The following VPS36 variants were observed in gnomAD, a reference collection of about 807,000 sequenced individuals.
VPS36 encodes vacuolar protein-sorting-associated protein 36.
VPS36 carries 31 observed loss-of-function variants against 63.5 expected under a neutral mutation model. The observed-to-expected ratio is 0.49, with a 90% CI of 0.37 to 0.66. The LOEUF is 0.66. VPS36 is among the 30% of genes least tolerant of loss of function. The pLI is 0.00. For synonymous variants in VPS36, 138 were observed against 157.2 expected, an observed-to-expected ratio of 0.88 and a Z score of 0.91; for missense variants, 338 against 463.7, an observed-to-expected ratio of 0.73 and a Z score of 2.49.
chr13:52,436,218 AACACACACACACAC>A (rs150816705), intron 4 of VPS36, 58 bp downstream of exon 4: 9 of 643,958 alleles, frequency 1.4e-5, no homozygotes, highest in Non-Finnish European at 1.8e-5. Context: ...AACAAGCCAC[AACACACACACACAC>A]ACACACACAC....
rs961739472 is a variant in VPS36 at position 52,450,225 on chromosome 13, G to T, written c.96+274C>A. On this transcript the variant is annotated intron_variant, in intron 1 of 13. Transcript: ENST00000378060. ...AGCTGTGCGCTCCCGGAAGCATTCC[G>T]GGCGGAGGGAAGCGGCCGCGATCCG... 8.3e-6 allele frequency: 9 copies of T among 1,079,448 alleles called. No homozygotes were observed. In the African/African-American group the frequency reaches 1.5e-4, roughly 18 times the overall value. 66.9% of individuals were successfully genotyped at this position (1,079,448 alleles called of 1,614,324 possible).
intron 1 of VPS36, among the ~76,000 whole-genome samples, chr13:52,446,410 T>TA (rs1370255309): frequency 1.3e-5 from 2 of 152,312 alleles, no homozygotes; most frequent in Non-Finnish European, 1.5e-5. Context: ...CTACCTCAAT[T>TA]AACAATGTGC....
At position 52,415,687 on chromosome 13, in the gene VPS36, AG is replaced by A; in HGVS notation, c.*142del. The stretch of plus-strand genomic sequence containing the variant: ...TAAATAAATTTCCTGGACCATATTT[AG>A]TGAGAAATTAAAAGAGATTTACATT... On this transcript the variant is annotated 3_prime_UTR_variant, in exon 14 of 14. Coordinates refer to ENST00000378060, the MANE Select transcript of VPS36 (RefSeq NM_016075.4). The A allele has an allele frequency of 1.2e-6, 1 of 809,086 alleles. No homozygotes were observed. The highest frequency in any genetic ancestry group is 2.0e-6 in the Non-Finnish European group (1 of 496,158). 50.1% of individuals were successfully genotyped at this position (809,086 alleles called of 1,614,324 possible). A position where few individuals can be genotyped will look rare whatever the true frequency, so the allele number is the denominator to read the frequency against.
At chr13:52,448,383 A>G (rs4286007) in intron 1 of VPS36, among the ~76,000 whole-genome samples, 69,238 of 152,076 alleles carry the variant, frequency 0.46, 17,548 homozygotes, top group East Asian at 0.64. Context: ...ACCTTCCCCC[A>G]GGAGTCAGCC....
intron 1 of VPS36, among the ~76,000 whole-genome samples, chr13:52,443,339 T>C (rs4884354): frequency 0.58 from 87,539 of 151,956 alleles, 25,676 homozygotes; most frequent in Middle Eastern, 0.69. Context: ...TAACCCTCAA[T>C]GCGATGGTAT....
rs1399263149 is a variant in VPS36, at chr13:52,414,234, C to T, written c.*1596G>A. 1 of 151,978 alleles carries T rather than the reference C, an allele frequency of 6.6e-6. No homozygotes were observed. Among genetic ancestry groups the T allele is most frequent in the East Asian group, 1.9e-4 (1 of 5,180 alleles). 9.4% of individuals were successfully genotyped at this position (151,978 alleles called of 1,614,324 possible). On this transcript the variant is annotated 3_prime_UTR_variant, in exon 14 of 14. Coordinates refer to ENST00000378060, the MANE Select transcript of VPS36 (RefSeq NM_016075.4). The stretch of plus-strand genomic sequence containing the variant: ...CCAGAGCAGTGTGAGACAGTAAGTA[C>T]CAACCAGAAAGAGGTGAGACATACA...
chr13:52,441,761 G>T (rs1006872043), intron 2 of VPS36, among the ~76,000 whole-genome samples: 5 of 151,620 alleles, frequency 3.3e-5, no homozygotes, highest in Admixed American at 2.6e-4. Flanking sequence ...CAAAAAAAAG[G>T]GGGGGATGCG....
chr13:52,425,971 C>T lies in VPS36; in HGVS notation c.735G>A (p.Leu245=), dbSNP rs754042481. The T allele has an allele frequency of 6.2e-7, 1 of 1,613,954 alleles. No homozygotes were observed. The highest frequency in any genetic ancestry group is 1.7e-5 in the Admixed American group (1 of 59,992). ...GCAATATTCCAGCCAGTTGTTTGGC[C>T]AGCTGCATGTGGTACTGTGTGCCTG... ...YGSGTQYHMQ[L]AKQLAGILQV... is the part of the protein sequence containing the mutation. The change falls in exon 9 of 14, where the codon CTG becomes CTA. Residue 245 remains leucine (L), a synonymous_variant. Coordinates refer to ENST00000378060, the MANE Select transcript of VPS36 (RefSeq NM_016075.4).
Position 52,415,311 on chromosome 13 carries a change from T to C in VPS36, c.*519A>G, listed in dbSNP as rs932948941. 1.3e-5 allele frequency: 2 copies of C among 152,228 alleles called. No homozygotes were observed. The highest frequency in any genetic ancestry group is 4.8e-5 in the African/African-American group (2 of 41,446). 9.4% of individuals were successfully genotyped at this position (152,228 alleles called of 1,614,324 possible). A position where few individuals can be genotyped will look rare whatever the true frequency, so the allele number is the denominator to read the frequency against. Reference sequence around the variant, plus strand: ...TATAAATATATGTGTCAAATAAAATTATTTCATTTTTAAAGGTATTTTATT... The same window carrying C: ...TATAAATATATGTGTCAAATAAAATCATTTCATTTTTAAAGGTATTTTATT... On this transcript the variant is annotated 3_prime_UTR_variant, in exon 14 of 14. Coordinates refer to ENST00000378060, the MANE Select transcript of VPS36 (RefSeq NM_016075.4).
At chr13:52,423,033 C>A (rs1432736393) in intron 10 of VPS36, among the ~76,000 whole-genome samples, 1 of 152,170 alleles carries the variant, frequency 6.6e-6, no homozygotes, top group Admixed American at 6.5e-5. Flanking sequence ...CTCCCTTTGA[C>A]TGCCACCATC....
chr13:52,414,630 C>A lies in VPS36; in HGVS notation c.*1200G>T, dbSNP rs2137765176. On this transcript the variant is annotated 3_prime_UTR_variant, in exon 14 of 14. Transcript: ENST00000378060. ...GGTCCCAGAGTGTGAACCTGGGCATCCCTCTTCCTGGTCCCAAGGGTGCTC... is the reference window on the plus strand; with the variant it reads ...GGTCCCAGAGTGTGAACCTGGGCATACCTCTTCCTGGTCCCAAGGGTGCTC... 6.6e-6 allele frequency: 1 copy of A among 152,312 alleles called. No homozygotes were observed. The highest frequency in any genetic ancestry group is 2.4e-5 in the African/African-American group (1 of 41,574). The allele number at this position is 152,312 out of a possible 1,614,324, so 9.4% of individuals were successfully genotyped here.
At chr13:52,427,623 T>C (rs1016407448) in intron 6 of VPS36, among the ~76,000 whole-genome samples, 1 of 151,356 alleles carries the variant, frequency 6.6e-6, no homozygotes, top group African/African-American at 2.4e-5. Flanking sequence ...AAAAAAAAAA[T>C]TTAAATTTTC....
intron 1 of VPS36, chr13:52,449,999 A>C (rs879380726): frequency 4.1e-6 from 4 of 985,804 alleles, no homozygotes; most frequent in African/African-American, 1.7e-5. Context: ...CTCCGACTGC[A>C]TAAGGTCCAA....
chr13:52,425,989 TGTGCCTGA>T lies in VPS36; in HGVS notation c.709_716del (p.Ser237ThrfsTer68). ...GTTTGGCCAGCTGCATGTGGTACTG[TGTGCCTGA>T]GCCGTAGGTTTCTCTGGTAACTGGG... On this transcript the variant is annotated frameshift_variant, in exon 9 of 14. Coordinates refer to ENST00000378060, the MANE Select transcript of VPS36 (RefSeq NM_016075.4). LOFTEE classifies it high-confidence loss of function. The T allele has an allele frequency of 6.2e-7, 1 of 1,614,200 alleles. No homozygotes were observed. Among genetic ancestry groups the T allele is most frequent in the Non-Finnish European group, 8.5e-7 (1 of 1,180,012 alleles).
At chr13:52,417,224 C>T in intron 11 of VPS36, 83 bp from the exon 12 acceptor site, 1 of 1,175,210 alleles carries the variant, frequency 8.5e-7, no homozygotes, top group Non-Finnish European at 1.3e-6. Context: ...TTTATACCTT[C>T]TTTTATGCCC....
intron 6 of VPS36, 27 bp from the exon 7 acceptor site, chr13:52,427,246 A>C: frequency 2.5e-6 from 4 of 1,608,282 alleles, no homozygotes; most frequent in Non-Finnish European, 3.4e-6. Context: ...ATTTTGGTTG[A>C]AATCCATCTA....
intron 6 of VPS36, among the ~76,000 whole-genome samples, chr13:52,430,461 T>C (rs962877566): frequency 5.3e-5 from 8 of 152,072 alleles, no homozygotes; most frequent in Non-Finnish European, 5.9e-5. Flanking sequence ...TGAAACCCCA[T>C]CTCTACTAAA....
rs1234515808 is a variant in VPS36, at chr13:52,415,786, A to G, written c.*44T>C. On this transcript the variant is annotated 3_prime_UTR_variant, in exon 14 of 14. Coordinates refer to ENST00000378060, the MANE Select transcript of VPS36 (RefSeq NM_016075.4). ...TAGCTCAATGTCATACAACCTCTAC[A>G]TGACGCAAGCATATGGACAAAAAGG... is the stretch of plus-strand genomic sequence containing the variant. 1.3e-6 allele frequency: 2 copies of G among 1,579,908 alleles called. No homozygotes were observed. Among genetic ancestry groups the G allele is most frequent in the Non-Finnish European group, 1.7e-6 (2 of 1,151,964 alleles).
chr13:52,445,578 G>A (rs1415357061), intron 1 of VPS36, among the ~76,000 whole-genome samples: 1 of 146,102 alleles, frequency 6.8e-6, no homozygotes, highest in Non-Finnish European at 1.5e-5. Context: ...GGTGGAGCTT[G>A]CAGAGAGCTG....
Sources: allele counts gnomAD v4.1 joint callset (sites outside exome capture counted in the v4.1 genomes callset), GRCh38; gene constraint gnomAD v4.1.1; transcripts MANE v1.5; gene names NCBI Gene and HGNC (gene_info 2026-07-23, HGNC 2026-07-21).